ZNF729: variants seen among roughly 807,000 people sequenced by gnomAD.
ZNF729 encodes the protein zinc finger protein 729.
ZNF729 carries 15 observed loss-of-function variants against 12.2 expected under a neutral mutation model. That is an observed-to-expected ratio of 1.23 (90% CI 0.82 to 1.89). The LOEUF (loss-of-function observed/expected upper bound fraction) is 1.89, where lower values mean the gene tolerates loss of function less well. Among genes scored for constraint, ZNF729 ranks in the 40% most tolerant of loss-of-function variants. The pLI, the probability that ZNF729 is intolerant of heterozygous loss-of-function variation, is 0.00. For synonymous variants in ZNF729, 492 were observed against 476.3 expected (o/e 1.03, Z -0.43); for missense variants, 1,540 against 1,456.7 (o/e 1.06, Z -0.93).
At chr19:22,298,978 C>G (rs1968268971) in intron 1 of ZNF729, 2 of 152,176 alleles carry the variant, frequency 1.3e-5, no homozygotes, top group African/African-American at 4.8e-5. Context: ...ACATCTTCAT[C>G]AAAAGTGCTG....
chr19:22,288,596 G>A (rs1049945912), intron 1 of ZNF729, among the ~76,000 whole-genome samples: 1 of 152,164 alleles, frequency 6.6e-6, no homozygotes, highest in Non-Finnish European at 1.5e-5. Flanking sequence ...CCCTGGAATT[G>A]AGAGGAATCT....
chr19:22,306,978 A>G (rs2145052751), intron 3 of ZNF729, among the ~76,000 whole-genome samples: 1 of 151,918 alleles, frequency 6.6e-6, no homozygotes, highest in East Asian at 1.9e-4. Context: ...TTTACATTTA[A>G]TAGAAAGCTA....
At chr19:22,311,234 G>A (rs1968446613) in intron 3 of ZNF729, among the ~76,000 whole-genome samples, 1 of 151,400 alleles carries the variant, frequency 6.6e-6, no homozygotes, top group Non-Finnish European at 1.5e-5. Flanking sequence ...TCTTCTCCTG[G>A]GTTTGCGTTT....
At chr19:22,308,815 G>C (rs1486682043) in intron 3 of ZNF729, among the ~76,000 whole-genome samples, 1 of 151,960 alleles carries the variant, frequency 6.6e-6, no homozygotes, top group African/African-American at 2.4e-5. Flanking sequence ...CCTACTCTGT[G>C]GGTTGTCTGT....
Position 22,313,920 on chromosome 19 carries a change from A to G in ZNF729, c.503A>G (p.Asn168Ser). The change falls in exon 4 of 4, where the codon AAT becomes AGT. Residue 168 changes from asparagine (N) to serine (S), a missense_variant. Transcript: ENST00000601693. ...KHMKVFHKYS[N>S]RNKVRHTKKK... The stretch of plus-strand genomic sequence containing the variant: ...ATGAAAGTCTTTCATAAATATTCAA[A>G]TAGAAATAAGGTTAGACACACTAAA... 6.6e-7 allele frequency: 1 copy of G among 1,526,336 alleles called. No individual in the cohort carries two copies. Among genetic ancestry groups the G allele is most frequent in the Non-Finnish European group, 8.8e-7 (1 of 1,140,490 alleles). 94.5% of individuals were successfully genotyped at this position (1,526,336 alleles called of 1,614,324 possible).
chr19:22,315,002 T>G lies in ZNF729; in HGVS notation c.1585T>G (p.Ser529Ala), dbSNP rs769528206. 2 of 1,611,888 alleles carry G rather than the reference T, an allele frequency of 1.2e-6. No individual in the cohort carries two copies. The highest frequency in any genetic ancestry group is 2.2e-5 in the East Asian group (1 of 44,814). Residue 529 changes from serine to alanine, a missense_variant, in exon 4 of 4, where the codon TCA (serine) becomes GCA (alanine). Coordinates refer to ENST00000601693, the MANE Select transcript of ZNF729 (RefSeq NM_001242680.2). ...EECGKAFSQS[S>A]TLRNHQIIHT... ...ATGTGGGAAAGCTTTTAGCCAGTCC[T>G]CAACCCTTAGAAACCATCAGATAAT... is the stretch of plus-strand genomic sequence containing the variant.
rs776683872 is a variant in ZNF729 at position 22,316,117 on chromosome 19, A to G, written c.2700A>G (p.Val900=). 4 of 1,609,476 alleles carry G rather than the reference A, an allele frequency of 2.5e-6. No individual in the cohort carries two copies. In the African/African-American group the frequency reaches 4.0e-5, roughly 16 times the overall value. The part of the protein sequence containing the change: ...KWLSKLTVHK[V]IHTAEKPCKC... The stretch of plus-strand genomic sequence containing the variant: ...TGTCAAAACTTACTGTACATAAGGT[A>G]ATTCATACTGCAGAGAAACCCTGTA... The change falls in exon 4 of 4, where the codon GTA becomes GTG. Residue 900 remains valine (V), a synonymous_variant. Transcript: ENST00000601693.
intron 1 of ZNF729, among the ~76,000 whole-genome samples, chr19:22,290,346 GGTA>G (rs1243864765): frequency 6.6e-6 from 1 of 152,108 alleles, no homozygotes; most frequent in Non-Finnish European, 1.5e-5. Flanking sequence ...ATTGTTTTGT[GGTA>G]GTTTCTAGAC....
chr19:22,302,231 A>G (rs1023207887), intron 1 of ZNF729, among the ~76,000 whole-genome samples: 23 of 152,302 alleles, frequency 1.5e-4, no homozygotes, highest in Admixed American at 1.5e-3. Context: ...AAACAGGTAA[A>G]CTAATAGCTT....
rs781758976 is a variant in ZNF729, at chr19:22,315,576, C to T, written c.2159C>T (p.Ala720Val). ...TACAAATGTGAAGAATGTGGTAAAGCTTTTAAGTGGTCATCAAAACTTACT... is the reference window on the plus strand; with the variant it reads ...TACAAATGTGAAGAATGTGGTAAAGTTTTTAAGTGGTCATCAAAACTTACT... ...KPYKCEECGK[A>V]FKWSSKLTVH... The change falls in exon 4 of 4, where the codon GCT becomes GTT. Residue 720 changes from alanine (A) to valine (V), a missense_variant. Coordinates refer to ENST00000601693, the MANE Select transcript of ZNF729 (RefSeq NM_001242680.2). The T allele has an allele frequency of 2.5e-6, 4 of 1,609,700 alleles. No homozygotes were observed. In the Admixed American group the frequency reaches 5.0e-5, roughly 20 times the overall value.
chr19:22,314,326 G>T lies in ZNF729; in HGVS notation c.909G>T (p.Gly303=). 1 of 1,609,358 alleles carries T rather than the reference G, an allele frequency of 6.2e-7. No homozygotes were observed. Among genetic ancestry groups the T allele is most frequent in the Non-Finnish European group, 8.5e-7 (1 of 1,178,934 alleles). Residue 303 remains glycine (G), a synonymous_variant, in exon 4 of 4, where the codon GGG becomes GGT. Transcript: ENST00000601693. ...AAGAATGTGGCAAAGCTTTTAAGGG[G>T]TCCTCAAATTTTAATGCACATAAGG... ...KCEECGKAFK[G]SSNFNAHKVI...
rs780800916 is a variant in ZNF729 at position 22,315,942 on chromosome 19, A to G, written c.2525A>G (p.His842Arg). ...AFKHFSALRK[H>R]KVIHTGKKPY... is the part of the protein sequence containing the mutation. ...AAGCATTTCTCAGCCCTTAGAAAACATAAGGTAATTCATACTGGAAAGAAA... is the reference window on the plus strand; with the variant it reads ...AAGCATTTCTCAGCCCTTAGAAAACGTAAGGTAATTCATACTGGAAAGAAA... The change falls in exon 4 of 4, where the codon CAT becomes CGT. Residue 842 changes from histidine to arginine, a missense_variant. His to Arg is a conservative substitution (Grantham distance 29). Transcript: ENST00000601693. 4 of 1,610,946 alleles carry G rather than the reference A, an allele frequency of 2.5e-6. No homozygotes were observed. Among genetic ancestry groups the G allele is most frequent in the Admixed American group, 1.7e-5 (1 of 59,938 alleles).
At chr19:22,300,451 C>A (rs79321782) in intron 1 of ZNF729, among the ~76,000 whole-genome samples, 376 of 152,274 alleles carry the variant, frequency 2.5e-3, no homozygotes, top group African/African-American at 8.2e-3. Context: ...TTATGTTTCA[C>A]AAAAACTGTC....
chr19:22,314,577 G>T lies in ZNF729; in HGVS notation c.1160G>T (p.Trp387Leu). The stretch of plus-strand genomic sequence containing the variant: ...GAAGAATGTGGTAAAGCTTTTAAGT[G>T]GTCTTCAAAACTTACTGTACATAAG... ...KCEECGKAFKWSSKLTVHKVV... is the reference protein window; with the variant it reads ...KCEECGKAFKLSSKLTVHKVV... The change falls in exon 4 of 4, where the codon TGG becomes TTG. Residue 387 changes from tryptophan (W) to leucine (L), a missense_variant. Physicochemically the swap from Trp to Leu is moderately conservative, Grantham distance 61 (BLOSUM62 -2). Transcript: ENST00000601693. 1 of 1,601,656 alleles carries T rather than the reference G, an allele frequency of 6.2e-7. No homozygotes were observed. The highest frequency in any genetic ancestry group is 1.1e-5 in the South Asian group (1 of 90,594).
chr19:22,300,061 A>T (rs544131651), intron 1 of ZNF729, among the ~76,000 whole-genome samples: 1 of 152,354 alleles, frequency 6.6e-6, no homozygotes, highest in East Asian at 1.9e-4. Context: ...AAGTGTAAAT[A>T]GCCAAAAAGA....
intron 3 of ZNF729, among the ~76,000 whole-genome samples, chr19:22,309,833 C>T (rs1043019323): frequency 6.6e-5 from 10 of 152,006 alleles, no homozygotes; most frequent in Non-Finnish European, 1.0e-4. Context: ...TTCTACTCAT[C>T]GATGAGCATG....
At chr19:22,307,609 G>A (rs1171829335) in intron 3 of ZNF729, among the ~76,000 whole-genome samples, 1 of 151,026 alleles carries the variant, frequency 6.6e-6, no homozygotes, top group Non-Finnish European at 1.5e-5. Flanking sequence ...CGGGCATGGT[G>A]GTGCATGCCT....
At chr19:22,310,641 T>C in intron 3 of ZNF729, among the ~76,000 whole-genome samples, 1 of 152,168 alleles carries the variant, frequency 6.6e-6, no homozygotes, top group East Asian at 1.9e-4. Flanking sequence ...ATCAGGGACA[T>C]CAGTCTGTGG....
In ZNF729 at chr19:22,316,944, C is replaced by G. The variant is rs1968556080; in HGVS notation, c.3527C>G (p.Thr1176Ser). The G allele has an allele frequency of 1.9e-6, 3 of 1,612,668 alleles. No homozygotes were observed. Among genetic ancestry groups the G allele is most frequent in the South Asian group, 2.2e-5 (2 of 91,052 alleles). ...GKAFNQSSHL[T>S]RHKTIHTGEK... is the part of the protein sequence containing the mutation. ...GCCTTTAACCAGTCCTCACACCTTACTAGACACAAAACAATTCATACTGGA... is the reference window on the plus strand; with the variant it reads ...GCCTTTAACCAGTCCTCACACCTTAGTAGACACAAAACAATTCATACTGGA... Residue 1176 changes from threonine (T) to serine (S), a missense_variant, in exon 4 of 4, where the codon ACT (threonine) becomes AGT (serine). Thr to Ser is a moderately conservative substitution (Grantham distance 58). Transcript: ENST00000601693.
Sources: allele counts gnomAD v4.1 joint callset (sites outside exome capture counted in the v4.1 genomes callset), GRCh38; gene constraint gnomAD v4.1.1; transcripts MANE v1.5; gene names NCBI Gene and HGNC (gene_info 2026-07-23, HGNC 2026-07-21).